Variants in RABL3 observed in about 807,000 individuals in gnomAD.
The protein encoded by RABL3 is rab-like protein 3.
Under a neutral mutation model 31.8 loss-of-function variants are expected in RABL3, and 31 were observed. The observed-to-expected ratio is 0.97, with a 90% CI of 0.73 to 1.31. The LOEUF (loss-of-function observed/expected upper bound fraction) is 1.31, where lower values mean the gene tolerates loss of function less well. Ranked by LOEUF, RABL3 falls within the 40% of genes most tolerant of loss-of-function variation. RABL3 has a pLI of 0.00. For synonymous variants in RABL3, 97 were observed against 99.9 expected (o/e 0.97, Z 0.18); for missense variants, 263 against 279.6 (o/e 0.94, Z 0.42).
chr3:120,691,170 G>A (rs893243082), intron 6 of RABL3, among the ~76,000 whole-genome samples: 8 of 152,126 alleles, frequency 5.3e-5, no homozygotes, highest in African/African-American at 1.7e-4. Context: ...ATGTCCAAAT[G>A]TAATAAGTTT....
In RABL3 at chr3:120,700,869, T is replaced by C. The variant is rs1051816209; in HGVS notation, c.384-2296A>G. Among the ~76,000 whole-genome samples, 5 of 152,176 alleles carry C rather than the reference T, an allele frequency of 3.3e-5. No homozygotes were observed. In the East Asian group the frequency reaches 9.6e-4, roughly 29 times the overall value. ...TTTCCATTCTTTGTATTTACATATG[T>C]TTAAAATTTTCTATAATAAAAAGTT... On this transcript the variant is annotated intron_variant, in intron 4 of 7. Transcript: ENST00000273375.
intron 4 of RABL3, among the ~76,000 whole-genome samples, chr3:120,701,408 T>C (rs537244374): frequency 6.6e-6 from 1 of 152,348 alleles, no homozygotes; most frequent in South Asian, 2.1e-4. Context: ...GGTTTATCTA[T>C]AGAATCAAAA....
At chr3:120,735,878 G>A (rs1158497347) in intron 1 of RABL3, among the ~76,000 whole-genome samples, 1 of 152,132 alleles carries the variant, frequency 6.6e-6, no homozygotes, top group Non-Finnish European at 1.5e-5. Context: ...TCAATCCTGA[G>A]TTCTAGTTTG....
chr3:120,739,796 C>T (rs927125287), intron 1 of RABL3, among the ~76,000 whole-genome samples: 2 of 152,048 alleles, frequency 1.3e-5, no homozygotes, highest in South Asian at 2.1e-4. Context: ...TGTATCTATC[C>T]ACTTAATTAT....
At chr3:120,742,299 C>G (rs1175888138) in intron 1 of RABL3, among the ~76,000 whole-genome samples, 163 bp downstream of exon 1, 1 of 152,094 alleles carries the variant, frequency 6.6e-6, no homozygotes, top group Non-Finnish European at 1.5e-5. Context: ...GCCACCGCGT[C>G]GTCACACGGA....
At chr3:120,702,847 G>A (rs976759213) in intron 4 of RABL3, among the ~76,000 whole-genome samples, 5 of 151,768 alleles carry the variant, frequency 3.3e-5, no homozygotes, top group South Asian at 2.1e-4. Context: ...GTGAGCCACC[G>A]CGCCGGGCCC....
chr3:120,712,577 G>A (rs1485846240), intron 2 of RABL3, among the ~76,000 whole-genome samples: 2 of 152,014 alleles, frequency 1.3e-5, no homozygotes, highest in Non-Finnish European at 2.9e-5. Flanking sequence ...GAGCAGGTTT[G>A]GTACTCCTCC....
At chr3:120,694,251 A>G (rs1183689721) in intron 5 of RABL3, 27 bp from the exon 6 acceptor site, 1 of 1,545,176 alleles carries the variant, frequency 6.5e-7, no homozygotes, top group Admixed American at 1.7e-5. Context: ...AAGATCCACA[A>G]TTGAAAGTTA....
chr3:120,736,054 T>C (rs966017751), intron 1 of RABL3, among the ~76,000 whole-genome samples: 3 of 152,204 alleles, frequency 2.0e-5, no homozygotes, highest in Admixed American at 1.3e-4. Context: ...TAGAGGTCTA[T>C]TAGGTCCGCT....
intron 2 of RABL3, among the ~76,000 whole-genome samples, chr3:120,711,651 A>AC (rs1363459396): frequency 3.9e-5 from 6 of 152,288 alleles, no homozygotes; most frequent in African/African-American, 1.4e-4. Context: ...TACTGCCTGT[A>AC]CTGTATAACT....
At chr3:120,696,002 AATAGCT>A in intron 5 of RABL3, among the ~76,000 whole-genome samples, 1 of 152,346 alleles carries the variant, frequency 6.6e-6, no homozygotes, top group South Asian at 2.1e-4. Flanking sequence ...CCTGAAAATT[AATAGCT>A]CCAAATAGCT....
At chr3:120,715,191 A>C (rs1708654061) in intron 2 of RABL3, among the ~76,000 whole-genome samples, 2 of 152,174 alleles carry the variant, frequency 1.3e-5, no homozygotes, top group African/African-American at 2.4e-5. Flanking sequence ...GAACTACTAT[A>C]ACACTTGTTT....
chr3:120,728,988 C>A (rs1452351469), intron 2 of RABL3, among the ~76,000 whole-genome samples: 1 of 152,128 alleles, frequency 6.6e-6, no homozygotes, highest in Non-Finnish European at 1.5e-5. Context: ...GAATAGCAGA[C>A]CTGTTTTCCA....
At chr3:120,721,250 A>G (rs1398816604) in intron 2 of RABL3, among the ~76,000 whole-genome samples, 5 of 152,218 alleles carry the variant, frequency 3.3e-5, no homozygotes, top group South Asian at 2.1e-4. Flanking sequence ...CGTAAAGACC[A>G]TCGAGGCTAG....
intron 2 of RABL3, among the ~76,000 whole-genome samples, chr3:120,723,324 A>T (rs1243655176): frequency 6.6e-6 from 1 of 152,202 alleles, no homozygotes; most frequent in African/African-American, 2.4e-5. Context: ...CCAAGCAAAA[A>T]AAGTCCAGGA....
At chr3:120,731,745 A>C (rs998247115) in intron 1 of RABL3, among the ~76,000 whole-genome samples, 1 of 152,122 alleles carries the variant, frequency 6.6e-6, no homozygotes, top group Non-Finnish European at 1.5e-5. Context: ...TTATATTTAC[A>C]ATCTAGAAAG....
chr3:120,708,067 T>G (rs1279605513), intron 3 of RABL3, among the ~76,000 whole-genome samples: 1 of 152,102 alleles, frequency 6.6e-6, no homozygotes, highest in Non-Finnish European at 1.5e-5. Flanking sequence ...ATATGGACTG[T>G]GCATTTGGAT....
chr3:120,703,689 A>C (rs1475729380), intron 4 of RABL3, among the ~76,000 whole-genome samples: 1 of 152,178 alleles, frequency 6.6e-6, no homozygotes, highest in Admixed American at 6.5e-5. Context: ...AGAAAAAGAG[A>C]AGACATAAAA....
At chr3:120,690,523 A>G (rs1411100919) in intron 6 of RABL3, 36 bp from the exon 7 acceptor site, 1 of 1,538,552 alleles carries the variant, frequency 6.5e-7, no homozygotes, top group Admixed American at 1.8e-5. Context: ...CTTAGCACAC[A>G]TACCTGCAAA....
Sources: gnomAD v4.1 joint callset for allele counts (sites outside exome capture counted in the v4.1 genomes callset) on GRCh38, gnomAD v4.1.1 for gene constraint, MANE v1.5 for transcripts, NCBI Gene and HGNC (gene_info 2026-07-23, HGNC 2026-07-21) for gene names.